The following DIAPH3 variants were observed in gnomAD, a reference collection of about 807,000 sequenced individuals.
The protein encoded by DIAPH3 is protein diaphanous homolog 3.
Under a neutral mutation model 144.3 loss-of-function variants are expected in DIAPH3, and 117 were observed. The observed-to-expected ratio is 0.81, with a 90% confidence interval of 0.70 to 0.95. DIAPH3 has a LOEUF of 0.95. Among genes scored for constraint, DIAPH3 ranks in the 40% least tolerant of loss-of-function variants. The pLI, the probability that DIAPH3 is intolerant of heterozygous loss-of-function variation, is 0.00. For synonymous variants in DIAPH3, 519 were observed against 488.9 expected, an observed-to-expected ratio of 1.06 and a Z score of -0.81; for missense variants, 1,421 against 1,412.7, an observed-to-expected ratio of 1.01 and a Z score of -0.09.
At chr13:60,084,566 AAAC>A (rs2057687387) in intron 4 of DIAPH3, among the ~76,000 whole-genome samples, 1 of 152,120 alleles carries the variant, frequency 6.6e-6, no homozygotes, top group African/African-American at 2.4e-5. Flanking sequence ...AAAAGGTTTT[AAAC>A]TCACCAAAGT....
chr13:60,074,304 T>G (rs1012806657), intron 4 of DIAPH3, among the ~76,000 whole-genome samples: 1 of 152,194 alleles, frequency 6.6e-6, no homozygotes, highest in Admixed American at 6.5e-5. Context: ...GACCTTATCT[T>G]ATTCACATTA....
chr13:59,800,794 A>G (rs529452000), intron 25 of DIAPH3, among the ~76,000 whole-genome samples: 1 of 152,336 alleles, frequency 6.6e-6, no homozygotes, highest in South Asian at 2.1e-4. Flanking sequence ...TCCAACGATC[A>G]TAAACAATAT....
intron 17 of DIAPH3, among the ~76,000 whole-genome samples, chr13:59,944,803 G>GGGT (rs66562307): frequency 6.7e-6 from 1 of 148,788 alleles, no homozygotes; most frequent in African/African-American, 2.4e-5. Context: ...AAGGGGGGGG[G>GGGT]CTATTATCCT....
At chr13:59,833,449 T>A (rs1423931442) in intron 23 of DIAPH3, among the ~76,000 whole-genome samples, 178 bp from the exon 24 acceptor site, 1 of 151,820 alleles carries the variant, frequency 6.6e-6, no homozygotes, top group Non-Finnish European at 1.5e-5. Context: ...CAACAAAATC[T>A]TAAATTCAAT....
intron 20 of DIAPH3, among the ~76,000 whole-genome samples, chr13:59,887,588 T>C (rs527480998): frequency 1.5e-3 from 227 of 152,122 alleles, no homozygotes; most frequent in Non-Finnish European, 2.1e-3. Flanking sequence ...AAGATATCTA[T>C]ATTTTGAAAA....
At chr13:59,745,760 A>T (rs926281169) in intron 27 of DIAPH3, among the ~76,000 whole-genome samples, 5 of 152,232 alleles carry the variant, frequency 3.3e-5, no homozygotes, top group African/African-American at 1.2e-4. Flanking sequence ...AAACTGATTT[A>T]AAAAAGAAAT....
chr13:59,922,621 A>G lies in DIAPH3; in HGVS notation c.2170+2154T>C, dbSNP rs576374802. 7.2e-5 allele frequency among the ~76,000 whole-genome samples: 11 copies of G among 152,210 alleles called. No individual in the cohort carries two copies. The East Asian group carries it at 1.9e-3, about 27-fold the overall frequency. ...ACTCTAAATTTCATGACAAAAAACT[A>G]TAATTACAATGAAGATCATAGGCTG... On this transcript the variant is annotated intron_variant, in intron 18 of 27. Coordinates refer to ENST00000400324, the MANE Select transcript of DIAPH3 (RefSeq NM_001042517.2).
At chr13:60,024,642 T>G (rs1336753382) in intron 5 of DIAPH3, among the ~76,000 whole-genome samples, 1 of 152,230 alleles carries the variant, frequency 6.6e-6, no homozygotes, top group Non-Finnish European at 1.5e-5. Context: ...TTTGTGATTT[T>G]CCTGCTTCTT....
intron 5 of DIAPH3, among the ~76,000 whole-genome samples, chr13:60,027,129 C>T (rs552736827): frequency 6.6e-6 from 1 of 152,292 alleles, no homozygotes; most frequent in African/African-American, 2.4e-5. Flanking sequence ...TTTTCACCTA[C>T]CTTTACCAAG....
At chr13:60,124,788 G>C (rs2058943608) in intron 2 of DIAPH3, among the ~76,000 whole-genome samples, 1 of 151,954 alleles carries the variant, frequency 6.6e-6, no homozygotes, top group Non-Finnish European at 1.5e-5. Flanking sequence ...GCTACAGTGA[G>C]CTGTGTTTGC....
chr13:59,805,601 CTTGT>C (rs140133742), intron 25 of DIAPH3, among the ~76,000 whole-genome samples: 177 of 151,892 alleles, frequency 1.2e-3, no homozygotes, highest in African/African-American at 4.1e-3. Context: ...ATGTAACTTG[CTTGT>C]TTATGTAATA....
At chr13:59,755,641 T>C (rs2037217809) in intron 27 of DIAPH3, among the ~76,000 whole-genome samples, 1 of 152,150 alleles carries the variant, frequency 6.6e-6, no homozygotes, top group African/African-American at 2.4e-5. Context: ...TTTTTTATCT[T>C]TACCTATCAG....
At chr13:60,142,766 A>T (rs913049719) in intron 1 of DIAPH3, among the ~76,000 whole-genome samples, 2 of 150,972 alleles carry the variant, frequency 1.3e-5, no homozygotes, top group Non-Finnish European at 3.0e-5. Context: ...ATTTTTTATT[A>T]TTTTTTTTAG....
At position 60,054,086 on chromosome 13, in the gene DIAPH3, C is replaced by A. The variant is rs180691506; in HGVS notation, c.496-11266G>T. Among the ~76,000 whole-genome samples the A allele has an allele frequency of 3.3e-3, 501 of 152,146 alleles. 2 individuals are homozygous for A. Among genetic ancestry groups the A allele is most frequent in the African/African-American group, 0.011 (461 of 41,554 alleles). On this transcript the variant is annotated intron_variant, in intron 4 of 27. Transcript: ENST00000400324. ...CTGTTTTCCAACTCACTAAATGATA[C>A]CTTATTTCTCCCAGATAGTAGCCTA...
At chr13:59,764,060 A>T (rs1168767974) in intron 27 of DIAPH3, among the ~76,000 whole-genome samples, 1 of 151,896 alleles carries the variant, frequency 6.6e-6, no homozygotes, top group African/African-American at 2.4e-5. Flanking sequence ...GCTAAGAACT[A>T]AGTGGCAAAA....
chr13:59,684,220 T>G (rs1020511083), intron 27 of DIAPH3, among the ~76,000 whole-genome samples: 4 of 152,188 alleles, frequency 2.6e-5, no homozygotes, highest in Non-Finnish European at 4.4e-5. Flanking sequence ...ATCTGTTGTC[T>G]CCACAGATTT....
intron 2 of DIAPH3, among the ~76,000 whole-genome samples, chr13:60,120,322 G>A (rs2058814684): frequency 6.6e-6 from 1 of 152,132 alleles, no homozygotes; most frequent in Admixed American, 6.6e-5. Flanking sequence ...GATAAGCTGA[G>A]GCCAGTTTTA....
intron 27 of DIAPH3, among the ~76,000 whole-genome samples, chr13:59,724,456 G>T (rs978070193): frequency 2.0e-5 from 3 of 152,098 alleles, no homozygotes; most frequent in African/African-American, 7.2e-5. Context: ...CAAAACTCTT[G>T]GTTGGCCTTA....
chr13:59,765,050 T>C (rs1410350242), intron 27 of DIAPH3, among the ~76,000 whole-genome samples: 2 of 152,152 alleles, frequency 1.3e-5, no homozygotes, highest in African/African-American at 2.4e-5. Flanking sequence ...TAACTCTTTC[T>C]CTTGGTGGCT....
Sources: gnomAD v4.1 joint callset for allele counts (sites outside exome capture counted in the v4.1 genomes callset) on GRCh38, gnomAD v4.1.1 for gene constraint, MANE v1.5 for transcripts, NCBI Gene and HGNC (gene_info 2026-07-23, HGNC 2026-07-21) for gene names.